KLRG2: variants seen among roughly 807,000 people sequenced by gnomAD.
KLRG2 encodes the protein killer cell lectin like receptor G2, also known as killer cell lectin-like receptor subfamily G member 2.
Under a neutral mutation model 35.4 loss-of-function variants are expected in KLRG2, and 39 were observed. The observed-to-expected ratio is 1.10, with a 90% CI of 0.85 to 1.44. The LOEUF is 1.44. Ranked by LOEUF, KLRG2 falls within the 40% of genes most tolerant of loss-of-function variation. The pLI is 0.00. For missense variants in KLRG2, 632 were observed against 570.9 expected, an observed-to-expected ratio of 1.11 and a Z score of -1.09; for synonymous variants, 283 against 265.8, an observed-to-expected ratio of 1.06 and a Z score of -0.63.
At chr7:139,462,970 C>T (rs1219499019) in intron 3 of KLRG2, among the ~76,000 whole-genome samples, 5 of 152,124 alleles carry the variant, frequency 3.3e-5, no homozygotes, top group African/African-American at 7.2e-5. Context: ...CCTCAGCCTC[C>T]GCTCCCCTAC....
chr7:139,455,609 C>T (rs757735193), intron 3 of KLRG2, among the ~76,000 whole-genome samples: 6 of 152,186 alleles, frequency 3.9e-5, no homozygotes, highest in Non-Finnish European at 8.8e-5. Context: ...GCGTGAGCCA[C>T]CGCGCCCGGC....
intron 3 of KLRG2, among the ~76,000 whole-genome samples, chr7:139,454,853 A>AATG (rs1569409631): frequency 8.1e-6 from 1 of 122,812 alleles, no homozygotes; most frequent in African/African-American, 3.4e-5. Context: ...TAATAATAAT[A>AATG]ATAATAATAA....
the KLRG2 span, among the ~76,000 whole-genome samples, chr7:139,435,014 G>A: frequency 6.6e-6 from 1 of 152,146 alleles, no homozygotes; most frequent in East Asian, 1.9e-4. Flanking sequence ...AAGTCAAAAA[G>A]GTACTCAAGG....
At chr7:139,444,450 G>A in the KLRG2 span, among the ~76,000 whole-genome samples, 2 of 152,152 alleles carry the variant, frequency 1.3e-5, no homozygotes, top group Non-Finnish European at 2.9e-5. Flanking sequence ...CCAAATTGCT[G>A]GTATTACAGG....
the KLRG2 span, among the ~76,000 whole-genome samples, chr7:139,434,144 G>C: frequency 3.9e-5 from 6 of 152,162 alleles, no homozygotes; most frequent in African/African-American, 1.4e-4. Context: ...ATTTGCAGTT[G>C]GAATAAGAAG....
At chr7:139,430,600 C>G in the KLRG2 span, among the ~76,000 whole-genome samples, 1 of 152,234 alleles carries the variant, frequency 6.6e-6, no homozygotes, top group African/African-American at 2.4e-5. Flanking sequence ...ACCATATGAC[C>G]CAGCAATCCT....
downstream of KLRG2, among the ~76,000 whole-genome samples, chr7:139,449,699 T>C (rs919574329): frequency 3.5e-4 from 47 of 135,232 alleles, 1 homozygote; most frequent in Non-Finnish European, 5.2e-4. Flanking sequence ...TATTCTTTTT[T>C]TTTTTTTTTT....
At chr7:139,429,821 TC>T in the KLRG2 span, among the ~76,000 whole-genome samples, 13 of 150,722 alleles carry the variant, frequency 8.6e-5, no homozygotes, top group Middle Eastern at 3.2e-3. Context: ...TTCCCCACCT[TC>T]CCCCCCCTTT....
At chr7:139,482,100 T>C (rs1005590774) in intron 1 of KLRG2, among the ~76,000 whole-genome samples, 1 of 152,172 alleles carries the variant, frequency 6.6e-6, no homozygotes, top group Non-Finnish European at 1.5e-5. Context: ...CAGCCGCACA[T>C]ACTACTGGCA....
intron 3 of KLRG2, among the ~76,000 whole-genome samples, chr7:139,464,272 G>A (rs1000151988): frequency 2.6e-5 from 4 of 152,008 alleles, no homozygotes; most frequent in Non-Finnish European, 4.4e-5. Context: ...CCCGCTAAAC[G>A]CCAATATCCC....
intron 3 of KLRG2, among the ~76,000 whole-genome samples, chr7:139,472,968 G>A (rs1431522305): frequency 1.3e-5 from 2 of 152,210 alleles, no homozygotes; most frequent in African/African-American, 4.8e-5. Context: ...ACAGGGTTCA[G>A]TTAAGGGTGA....
intron 3 of KLRG2, among the ~76,000 whole-genome samples, chr7:139,456,655 C>CT (rs1796481581): frequency 6.6e-6 from 1 of 152,124 alleles, no homozygotes; most frequent in Admixed American, 6.6e-5. Context: ...CCCAGCCTCT[C>CT]TTTTTTATTT....
chr7:139,455,382 C>A (rs1201617837), intron 3 of KLRG2, among the ~76,000 whole-genome samples: 2 of 139,946 alleles, frequency 1.4e-5, no homozygotes, highest in Admixed American at 7.5e-5. Context: ...AGTGCAGTGG[C>A]GCGATCTCGG....
intron 3 of KLRG2, among the ~76,000 whole-genome samples, chr7:139,469,039 C>T (rs994498485): frequency 2.6e-5 from 4 of 152,218 alleles, no homozygotes; most frequent in East Asian, 1.9e-4. Flanking sequence ...AACCCAGAAC[C>T]TGCTGACATC....
At chr7:139,459,255 G>A (rs1246849329) in intron 3 of KLRG2, among the ~76,000 whole-genome samples, 1 of 152,174 alleles carries the variant, frequency 6.6e-6, no homozygotes, top group Non-Finnish European at 1.5e-5. Context: ...CCTGTCTGAT[G>A]TGAGGCCCGT....
intron 1 of KLRG2, 72 bp downstream of exon 1, chr7:139,482,814 G>A (rs1222002305): frequency 1.5e-6 from 2 of 1,305,318 alleles, no homozygotes; most frequent in South Asian, 2.0e-5. Flanking sequence ...TCCAGGGCTG[G>A]GCGGGTGTGG....
the KLRG2 span, among the ~76,000 whole-genome samples, chr7:139,433,808 G>T: frequency 0.023 from 3,458 of 151,640 alleles, 63 homozygotes; most frequent in Middle Eastern, 0.048. Flanking sequence ...GCTAATTTTT[G>T]TATTTTTAGT....
intron 3 of KLRG2, among the ~76,000 whole-genome samples, chr7:139,460,050 A>G (rs533231197): frequency 2.0e-5 from 3 of 152,010 alleles, no homozygotes; most frequent in Non-Finnish European, 4.4e-5. Flanking sequence ...GCGCCTGGCC[A>G]TATTTGTATA....
intron 3 of KLRG2, among the ~76,000 whole-genome samples, chr7:139,456,600 C>T (rs915165469): frequency 2.2e-4 from 33 of 152,318 alleles, no homozygotes; most frequent in African/African-American, 7.5e-4. Flanking sequence ...GATTCACCCA[C>T]CTCGGCCTCC....
Sources: gnomAD v4.1 joint callset for allele counts (sites outside exome capture counted in the v4.1 genomes callset) on GRCh38, gnomAD v4.1.1 for gene constraint, MANE v1.5 for transcripts, NCBI Gene and HGNC (gene_info 2026-07-23, HGNC 2026-07-21) for gene names.